The following MTUS2 variants were observed in gnomAD, a reference collection of about 807,000 sequenced individuals.
MTUS2 encodes microtubule associated scaffold protein 2.
Under a neutral mutation model 114.1 loss-of-function variants are expected in MTUS2, and 40 were observed. That is an observed-to-expected ratio of 0.35 (90% CI 0.27 to 0.46). MTUS2 has a LOEUF of 0.46. Among genes scored for constraint, MTUS2 ranks in the 20% least tolerant of loss-of-function variants. The probability of loss-of-function intolerance (pLI) is 1.00; values close to 1 mark genes in which losing one functional copy is unlikely to be tolerated. For missense variants in MTUS2, 1,679 were observed against 1,705.4 expected (o/e 0.98, Z 0.27); for synonymous variants, 688 against 672.0 (o/e 1.02, Z -0.37).
intron 5 of MTUS2, among the ~76,000 whole-genome samples, chr13:29,165,703 C>T (rs1893288382): frequency 6.6e-6 from 1 of 152,186 alleles, no homozygotes; most frequent in Admixed American, 6.5e-5. Flanking sequence ...ATTTGGCTAT[C>T]ATTACAGTTT....
intron 6 of MTUS2, among the ~76,000 whole-genome samples, chr13:29,319,433 G>T (rs1378215500): frequency 6.6e-6 from 1 of 152,176 alleles, no homozygotes; most frequent in Non-Finnish European, 1.5e-5. Flanking sequence ...TGGGAACAAA[G>T]ATGATCAGCA....
intron 4 of MTUS2, among the ~76,000 whole-genome samples, chr13:29,084,911 G>A (rs183851215): frequency 2.0e-5 from 3 of 152,048 alleles, no homozygotes; most frequent in African/African-American, 7.2e-5. Flanking sequence ...TTGGATGTGT[G>A]TCCCTCCAGA....
chr13:29,035,952 C>G (rs1887043947), intron 4 of MTUS2, among the ~76,000 whole-genome samples: 1 of 151,882 alleles, frequency 6.6e-6, no homozygotes, highest in East Asian at 1.9e-4. Flanking sequence ...TGAGACCAGC[C>G]TGGCAACATG....
At chr13:29,317,711 TA>T (rs1225694189) in intron 6 of MTUS2, among the ~76,000 whole-genome samples, 1 of 147,612 alleles carries the variant, frequency 6.8e-6, no homozygotes, top group South Asian at 2.2e-4. Flanking sequence ...GTGCTGGGAT[TA>T]CAGGCGTGAG....
intron 8 of MTUS2, among the ~76,000 whole-genome samples, chr13:29,389,709 ATG>A (rs1408515295): frequency 6.9e-6 from 1 of 144,614 alleles, no homozygotes; most frequent in African/African-American, 2.6e-5. Flanking sequence ...ATATGTGTAT[ATG>A]TATATATACA....
At chr13:28,954,353 C>T (rs563815537) in intron 2 of MTUS2, among the ~76,000 whole-genome samples, 1 of 152,278 alleles carries the variant, frequency 6.6e-6, no homozygotes, top group Admixed American at 6.5e-5. Context: ...CCCAGTGGGT[C>T]ACTTCTTAAT....
chr13:29,465,220 G>A (rs1183110098), intron 9 of MTUS2, among the ~76,000 whole-genome samples: 1 of 152,184 alleles, frequency 6.6e-6, no homozygotes, highest in African/African-American at 2.4e-5. Flanking sequence ...TAGAGGCCAG[G>A]CATGGTGCTG....
chr13:29,198,330 C>A (rs956332713), intron 5 of MTUS2, among the ~76,000 whole-genome samples: 5 of 152,158 alleles, frequency 3.3e-5, no homozygotes, highest in African/African-American at 1.2e-4. Context: ...ATAGGGAATC[C>A]TTTCCCCATT....
At chr13:29,441,212 G>T (rs1347384285) in intron 9 of MTUS2, among the ~76,000 whole-genome samples, 20 of 152,038 alleles carry the variant, frequency 1.3e-4, no homozygotes, top group Admixed American at 1.3e-3. Context: ...ACCAGGAGAA[G>T]CCCAGGGGTT....
At chr13:29,428,653 C>G in intron 8 of MTUS2, 1 of 1,112,414 alleles carries the variant, frequency 9.0e-7, no homozygotes, top group Non-Finnish European at 1.1e-6. Flanking sequence ...GCCCTGCTCT[C>G]CTCCTCCTCT....
chr13:29,195,149 C>G (rs1276916721), intron 5 of MTUS2, among the ~76,000 whole-genome samples: 7 of 147,936 alleles, frequency 4.7e-5, no homozygotes, highest in Non-Finnish European at 9.1e-5. Context: ...CGCTAAATGA[C>G]GAGTTAATGG....
In MTUS2 at chr13:28,937,157, T is replaced by C. The variant is rs992248431; in HGVS notation, c.-242-87300T>C. Reference sequence around the variant, plus strand: ...GGTCGAGTGGGAACTTGGAGAACTTTTCTGTCTTACAAGAGAATTGTAAAA... The same window carrying C: ...GGTCGAGTGGGAACTTGGAGAACTTCTCTGTCTTACAAGAGAATTGTAAAA... On this transcript the variant is annotated intron_variant, in intron 2 of 15. Transcript: ENST00000612955. 4.8e-5 allele frequency among the ~76,000 whole-genome samples: 7 copies of C among 145,950 alleles called. No homozygotes were observed. The South Asian group carries it at 8.3e-4, about 17-fold the overall frequency.
intron 4 of MTUS2, among the ~76,000 whole-genome samples, chr13:29,070,674 A>ACTGTTTGAAACTTGTCTCT (rs138449187): frequency 1.4e-4 from 21 of 151,892 alleles, no homozygotes; most frequent in African/African-American, 4.8e-4. Context: ...GATTTGTTAA[A>ACTGTTTGAAACTTGTCTCT]CTGTTTGAAA....
chr13:28,821,735 G>C (rs1004668209), intron 1 of MTUS2, among the ~76,000 whole-genome samples: 1 of 152,196 alleles, frequency 6.6e-6, no homozygotes, highest in Non-Finnish European at 1.5e-5. Flanking sequence ...CCATTGTGGA[G>C]CATTGTATTG....
chr13:28,836,658 A>G (rs1875107232), intron 1 of MTUS2, among the ~76,000 whole-genome samples: 1 of 152,158 alleles, frequency 6.6e-6, no homozygotes, highest in South Asian at 2.1e-4. Context: ...ATCTTGGAAG[A>G]GGAGGTAGAT....
chr13:29,377,252 A>G (rs1323890931), intron 8 of MTUS2, among the ~76,000 whole-genome samples: 1 of 152,224 alleles, frequency 6.6e-6, no homozygotes, highest in Non-Finnish European at 1.5e-5. Context: ...CAACAGGATC[A>G]TCTTGATGTT....
At position 29,455,074 on chromosome 13, in the gene MTUS2, C is replaced by T. The variant is rs547504419; in HGVS notation, c.3184+15025C>T. Among the ~76,000 whole-genome samples, 13 of 152,278 alleles carry T rather than the reference C, an allele frequency of 8.5e-5. No individual in the cohort carries two copies. In the South Asian group the frequency reaches 1.0e-3, roughly 12 times the overall value. On this transcript the variant is annotated intron_variant, in intron 9 of 15. Coordinates refer to ENST00000612955, the MANE Select transcript of MTUS2 (RefSeq NM_001033602.4). Reference sequence around the variant, plus strand: ...CCTGGGGCTACTCACCAAACCTGGGCGTGGGAGGTGTCCAGGTAGTGGCTG... The same window carrying T: ...CCTGGGGCTACTCACCAAACCTGGGTGTGGGAGGTGTCCAGGTAGTGGCTG...
chr13:28,890,978 T>C (rs1284030132), intron 2 of MTUS2, among the ~76,000 whole-genome samples: 1 of 152,188 alleles, frequency 6.6e-6, no homozygotes, highest in Non-Finnish European at 1.5e-5. Flanking sequence ...ATTACAGCCC[T>C]TTGCATAATT....
intron 5 of MTUS2, among the ~76,000 whole-genome samples, chr13:29,188,198 A>G (rs540455366): frequency 2.0e-5 from 3 of 152,342 alleles, no homozygotes; most frequent in African/African-American, 7.2e-5. Flanking sequence ...GAGAAATGGA[A>G]TAAACACTAA....
Sources: gnomAD v4.1 joint callset for allele counts (sites outside exome capture counted in the v4.1 genomes callset) on GRCh38, gnomAD v4.1.1 for gene constraint, MANE v1.5 for transcripts, NCBI Gene and HGNC (gene_info 2026-07-23, HGNC 2026-07-21) for gene names.